EYS: variants seen among roughly 807,000 people sequenced by gnomAD.
EYS encodes EGF-like photoreceptor maintenance factor.
EYS carries 250 observed loss-of-function variants against 282.1 expected under a neutral mutation model. That is an observed-to-expected ratio of 0.89 (90% CI 0.80 to 0.98). The LOEUF (loss-of-function observed/expected upper bound fraction) is 0.98, where lower values mean the gene tolerates loss of function less well. Among genes scored for constraint, EYS ranks in the 50% least tolerant of loss-of-function variants. The pLI is 0.00. For missense variants in EYS, 4,016 were observed against 3,709.0 expected, an observed-to-expected ratio of 1.08 and a Z score of -2.15; for synonymous variants, 1,355 against 1,282.9, an observed-to-expected ratio of 1.06 and a Z score of -1.20.
intron 29 of EYS, among the ~76,000 whole-genome samples, chr6:64,345,219 C>T (rs148901875): frequency 1.1e-3 from 173 of 152,164 alleles, no homozygotes; most frequent in South Asian, 8.3e-3. Context: ...TCATATGGAA[C>T]CAAAAAAGAG....
chr6:64,652,355 C>T (rs1161908284), intron 22 of EYS, among the ~76,000 whole-genome samples: 1 of 152,140 alleles, frequency 6.6e-6, no homozygotes, highest in East Asian at 1.9e-4. Context: ...TTCATTCTGG[C>T]TGGCCTAGAA....
At chr6:64,604,829 C>G (rs1161772729) in intron 24 of EYS, among the ~76,000 whole-genome samples, 1 of 151,954 alleles carries the variant, frequency 6.6e-6, no homozygotes, top group East Asian at 1.9e-4. Context: ...AAGCATAGCT[C>G]AGGGGAGAAG....
intron 11 of EYS, among the ~76,000 whole-genome samples, chr6:65,322,667 C>T (rs1236511140): frequency 1.1e-4 from 16 of 151,896 alleles, no homozygotes; most frequent in African/African-American, 2.2e-4. Flanking sequence ...TGGGGGCGCG[C>T]GCCTGTAGTC....
chr6:63,980,231 G>A (rs1487078176), intron 35 of EYS, among the ~76,000 whole-genome samples: 1 of 151,686 alleles, frequency 6.6e-6, no homozygotes, highest in Non-Finnish European at 1.5e-5. Context: ...AAATAGGCAT[G>A]CATTTTCAGG....
intron 34 of EYS, among the ~76,000 whole-genome samples, chr6:63,997,490 GTT>G (rs2149801115): frequency 6.6e-6 from 1 of 152,310 alleles, no homozygotes; most frequent in African/African-American, 2.4e-5. Context: ...AGGAGGCAGA[GTT>G]ATAAAAGCAT....
At chr6:64,644,438 T>A (rs1157336949) in intron 22 of EYS, among the ~76,000 whole-genome samples, 2 of 152,150 alleles carry the variant, frequency 1.3e-5, no homozygotes, top group Non-Finnish European at 2.9e-5. Flanking sequence ...AGATAGGAGA[T>A]TATTTCTATT....
chr6:63,727,725 A>ATATATATATAT (rs1172717557), intron 41 of EYS, among the ~76,000 whole-genome samples: 4 of 62,694 alleles, frequency 6.4e-5, no homozygotes, highest in African/African-American at 5.0e-4. Context: ...AAAAAAAAAA[A>ATATATATATAT]AAAAAAAAAA....
At chr6:64,124,235 C>T (rs1205500595) in intron 31 of EYS, among the ~76,000 whole-genome samples, 2 of 152,112 alleles carry the variant, frequency 1.3e-5, no homozygotes, top group African/African-American at 4.8e-5. Context: ...TATTTTTACT[C>T]AAAGTAAGTA....
intron 2 of EYS, among the ~76,000 whole-genome samples, chr6:65,558,747 T>C (rs1768915435): frequency 6.6e-6 from 1 of 152,194 alleles, no homozygotes; most frequent in Admixed American, 6.5e-5. Flanking sequence ...AGATGCACTG[T>C]CATGTCATTT....
At chr6:65,256,184 C>T (rs1212397703) in intron 12 of EYS, among the ~76,000 whole-genome samples, 1 of 151,430 alleles carries the variant, frequency 6.6e-6, no homozygotes, top group Admixed American at 6.6e-5. Flanking sequence ...GAATGCGGTC[C>T]TATCATTGGC....
chr6:64,738,236 T>G (rs1772249817), intron 22 of EYS, among the ~76,000 whole-genome samples: 3 of 152,204 alleles, frequency 2.0e-5, no homozygotes, highest in African/African-American at 2.4e-5. Context: ...GGATCCCTCA[T>G]GAATGGCTTG....
intron 24 of EYS, among the ~76,000 whole-genome samples, chr6:64,593,884 C>A (rs149612890): frequency 1.3e-4 from 20 of 151,732 alleles, no homozygotes; most frequent in Admixed American, 1.1e-3. Flanking sequence ...ATGAAAATTG[C>A]GATAATGTAT....
chr6:64,757,553 G>A (rs534219000), intron 22 of EYS, among the ~76,000 whole-genome samples: 29 of 151,900 alleles, frequency 1.9e-4, no homozygotes, highest in Non-Finnish European at 3.7e-4. Flanking sequence ...GTCTTAATTT[G>A]TATCATTTAA....
intron 12 of EYS, among the ~76,000 whole-genome samples, chr6:65,210,377 T>C (rs116459520): frequency 0.014 from 2,055 of 152,086 alleles, 30 homozygotes; most frequent in African/African-American, 0.042. Flanking sequence ...AATGACAGAA[T>C]AGAGGAAAGT....
At chr6:64,356,414 A>AAAATTAAAT (rs1771825797) in intron 29 of EYS, among the ~76,000 whole-genome samples, 1 of 151,592 alleles carries the variant, frequency 6.6e-6, no homozygotes, top group Admixed American at 6.6e-5. Flanking sequence ...GTCCCATAAG[A>AAAATTAAAT]GTTGGCACAG....
intron 13 of EYS, among the ~76,000 whole-genome samples, chr6:65,028,062 C>A (rs185257511): frequency 4.5e-4 from 68 of 152,220 alleles, no homozygotes; most frequent in Admixed American, 1.0e-3. Flanking sequence ...GCATCACAAG[C>A]ATTTACTATT....
chr6:65,430,308 C>G (rs926183911), intron 5 of EYS, among the ~76,000 whole-genome samples: 2 of 152,090 alleles, frequency 1.3e-5, no homozygotes, highest in African/African-American at 4.8e-5. Context: ...GACCGAACAC[C>G]GAACTCATCT....
At chr6:65,356,591 A>AAATATATCC (rs1397818833) in intron 8 of EYS, among the ~76,000 whole-genome samples, 1 of 151,998 alleles carries the variant, frequency 6.6e-6, no homozygotes, top group Non-Finnish European at 1.5e-5. Flanking sequence ...ATATATTTCA[A>AAATATATCC]TGGGTGCCTG....
chr6:65,394,235 T>C (rs1235349861), intron 7 of EYS, among the ~76,000 whole-genome samples: 8 of 151,922 alleles, frequency 5.3e-5, no homozygotes, highest in Non-Finnish European at 8.8e-5. Context: ...TGCGCACGTG[T>C]GTGTGTGTGT....
Sources: gnomAD v4.1 joint callset for allele counts (sites outside exome capture counted in the v4.1 genomes callset) on GRCh38, gnomAD v4.1.1 for gene constraint, MANE v1.5 for transcripts, NCBI Gene and HGNC (gene_info 2026-07-23, HGNC 2026-07-21) for gene names.